Variants in ANXA10 observed in about 807,000 individuals in gnomAD.
The protein encoded by ANXA10 is annexin A10.
ANXA10 carries 49 observed loss-of-function variants against 53.5 expected under a neutral mutation model. The ratio of observed to expected loss-of-function variants is 0.92; its 90% CI spans 0.73 to 1.16. The LOEUF (loss-of-function observed/expected upper bound fraction) is 1.16, where lower values mean the gene tolerates loss of function less well. ANXA10 is among the 50% of genes most tolerant of loss of function. The pLI, the probability that ANXA10 is intolerant of heterozygous loss-of-function variation, is 0.00. For synonymous variants in ANXA10, 131 were observed against 128.9 expected (o/e 1.02, Z -0.11); for missense variants, 393 against 394.4 (o/e 1.00, Z 0.03).
chr4:168,101,153 G>T (rs1201179036), intron 1 of ANXA10, among the ~76,000 whole-genome samples: 1 of 151,986 alleles, frequency 6.6e-6, no homozygotes, highest in Non-Finnish European at 1.5e-5. Context: ...GTTCTTGCAA[G>T]ATCTGGTTGC....
At chr4:168,098,127 A>T (rs1007314661) in intron 1 of ANXA10, among the ~76,000 whole-genome samples, 1 of 152,064 alleles carries the variant, frequency 6.6e-6, no homozygotes, top group African/African-American at 2.4e-5. Flanking sequence ...ATTTAAAAAA[A>T]AAAAAGATGT....
chr4:168,160,263 T>G (rs901957364), intron 3 of ANXA10, among the ~76,000 whole-genome samples: 2 of 152,064 alleles, frequency 1.3e-5, no homozygotes, highest in African/African-American at 4.8e-5. Context: ...CCTCCATGTG[T>G]CCATGTGTTC....
rs1560792209 is a variant in ANXA10 at position 168,177,918 on chromosome 4, CG to C, written c.568del (p.Glu190SerfsTer8). On this transcript the variant is annotated frameshift_variant, in exon 8 of 12. Coordinates refer to ENST00000359299, the MANE Select transcript of ANXA10 (RefSeq NM_007193.5). LOFTEE classifies it high-confidence loss of function. ...CTATGGGAAGCCTGTCAGCAGAAGACGGGGGAGCACAAAACCATGCTGCAAA... is the reference window on the plus strand; with the variant it reads ...CTATGGGAAGCCTGTCAGCAGAAGACGGGGAGCACAAAACCATGCTGCAAA... ...MVLWEACQQKTGEHKTMLQMI... is the reference protein window; with the variant it reads ...MVLWEACQQKXGEHKTMLQMI... 2 of 1,613,996 alleles carry C rather than the reference CG, an allele frequency of 1.2e-6. No individual in the cohort carries two copies. Among genetic ancestry groups the C allele is most frequent in the Admixed American group, 3.3e-5 (2 of 60,006 alleles).
rs138480187 is a variant in ANXA10 at position 168,096,379 on chromosome 4, A to G, written c.18+3661A>G. On this transcript the variant is annotated intron_variant, in intron 1 of 11. Transcript: ENST00000359299. ...ACTTTACACACTTTGATTCAACAAA[A>G]GTTTTGAATCATGCTGTTATGGCTT... Among the ~76,000 whole-genome samples, 493 of 152,306 alleles carry G rather than the reference A, an allele frequency of 3.2e-3. 4 individuals carry two copies. Among genetic ancestry groups the G allele is most frequent in the South Asian group, 0.012 (56 of 4,828 alleles).
intron 9 of ANXA10, among the ~76,000 whole-genome samples, chr4:168,181,174 G>A (rs535949286): frequency 2.6e-5 from 4 of 152,044 alleles, no homozygotes; most frequent in Non-Finnish European, 5.9e-5. Context: ...GGCGGATCAT[G>A]AGGTCAGGAG....
intron 6 of ANXA10, among the ~76,000 whole-genome samples, chr4:168,170,726 G>A (rs1456317438): frequency 3.9e-5 from 6 of 151,908 alleles, no homozygotes; most frequent in Admixed American, 2.6e-4. Context: ...AGAAGCCAAG[G>A]AAAATTAATA....
chr4:168,100,616 A>T lies in ANXA10; in HGVS notation c.18+7898A>T, dbSNP rs1051858704. ...TTATTATTCTCATGTTTGAACCTCT[A>T]TCTTAATTCGCAGTTGTAATTCTTG... is the stretch of plus-strand genomic sequence containing the variant. On this transcript the variant is annotated intron_variant, in intron 1 of 11. Coordinates refer to ENST00000359299, the MANE Select transcript of ANXA10 (RefSeq NM_007193.5). Among the ~76,000 whole-genome samples the T allele has an allele frequency of 2.0e-5, 3 of 152,080 alleles. No individual in the cohort carries two copies. The East Asian group carries it at 5.8e-4, about 29-fold the overall frequency.
rs1251252686 is a variant in ANXA10 at position 168,128,181 on chromosome 4, T to C, written c.100+16T>C. 1 of 1,596,680 alleles carries C rather than the reference T, an allele frequency of 6.3e-7. No individual in the cohort carries two copies. The highest frequency in any genetic ancestry group is 2.2e-5 in the East Asian group (1 of 44,696). Reference sequence around the variant, plus strand: ...CAAGGATTTGGTAAGTCTGATTATTTCTACCATCTTTTATTGTGATTATTT... The same window carrying C: ...CAAGGATTTGGTAAGTCTGATTATTCCTACCATCTTTTATTGTGATTATTT... On this transcript the variant is annotated intron_variant, in intron 2 of 11. Transcript: ENST00000359299.
chr4:168,155,780 T>TATATTATATA (rs1731622539), intron 3 of ANXA10, among the ~76,000 whole-genome samples: 10 of 9,478 alleles, frequency 1.1e-3, no homozygotes, highest in Non-Finnish European at 1.6e-3. Flanking sequence ...TATCATATAT[T>TATATTATATA]ATATATTATA....
intron 3 of ANXA10, among the ~76,000 whole-genome samples, chr4:168,139,861 A>G (rs1413185818): frequency 6.6e-6 from 1 of 152,188 alleles, no homozygotes; most frequent in Non-Finnish European, 1.5e-5. Context: ...GTTTTGATGA[A>G]CTTACATTGC....
chr4:168,120,600 T>G (rs1028812305), intron 1 of ANXA10, among the ~76,000 whole-genome samples: 1 of 152,088 alleles, frequency 6.6e-6, no homozygotes, highest in African/African-American at 2.4e-5. Flanking sequence ...CATCGCAATG[T>G]TAATAAAATA....
In ANXA10 at chr4:168,184,601, G is replaced by T. The variant is rs1304673584; in HGVS notation, c.826G>T (p.Ala276Ser). The change falls in exon 11 of 12, where the codon GCC becomes TCC. Residue 276 changes from alanine to serine, a missense_variant. Transcript: ENST00000359299. ...TAAAACTGTAATCAGGATTCTCATT[G>T]CCAGAAGTGAAATAGACCTGCTGAC... ...HNKTVIRILIARSEIDLLTIR... is the reference protein window; with the variant it reads ...HNKTVIRILISRSEIDLLTIR... The T allele has an allele frequency of 1.1e-5, 18 of 1,613,830 alleles. No homozygotes were observed. The highest frequency in any genetic ancestry group is 1.5e-5 in the Non-Finnish European group (18 of 1,179,896).
intron 1 of ANXA10, among the ~76,000 whole-genome samples, chr4:168,101,640 A>G (rs1290727745): frequency 6.6e-6 from 1 of 152,016 alleles, no homozygotes; most frequent in African/African-American, 2.4e-5. Context: ...GAAGACCGAT[A>G]TTTAAAACCA....
chr4:168,112,539 T>A (rs1039827412), intron 1 of ANXA10, among the ~76,000 whole-genome samples: 1 of 151,882 alleles, frequency 6.6e-6, no homozygotes, highest in Non-Finnish European at 1.5e-5. Flanking sequence ...TATGTCAGAG[T>A]TTTTTCATAA....
intron 6 of ANXA10, among the ~76,000 whole-genome samples, chr4:168,169,979 A>C (rs1731953105): frequency 6.6e-6 from 1 of 152,216 alleles, no homozygotes; most frequent in African/African-American, 2.4e-5. Context: ...AAAATAAATC[A>C]CAAGTGAAAA....
chr4:168,127,740 T>C (rs550888056), intron 1 of ANXA10: 9 of 505,848 alleles, frequency 1.8e-5, no homozygotes, highest in South Asian at 1.4e-4. Context: ...TAACAGGCCT[T>C]GTGTGTATGT....
Position 168,155,720 on chromosome 4 carries a change from T to TATA in ANXA10, c.196-6807_196-6806insTAA, listed in dbSNP as rs1560783573. Among the ~76,000 whole-genome samples, 275 of 63,898 alleles carry TATA rather than the reference T, an allele frequency of 4.3e-3. 73 individuals carry two copies. Among genetic ancestry groups the TATA allele is most frequent in the Middle Eastern group, 0.019 (1 of 52 alleles). The allele number at this position is 63,898 out of a possible 152,430, so 41.9% of individuals were successfully genotyped here. A position where few individuals can be genotyped will look rare whatever the true frequency, so the allele number is the denominator to read the frequency against. On this transcript the variant is annotated intron_variant, in intron 3 of 11. Coordinates refer to ENST00000359299, the MANE Select transcript of ANXA10 (RefSeq NM_007193.5). ...TATATTATAAATATATAATATTATA[T>TATA]AATATAATATATGATATATCATATA...
In ANXA10 at chr4:168,146,312, G is replaced by A. The variant is rs558363043; in HGVS notation, c.195+6732G>A. ...TTTTCATGGGCCACAGTGATGTGGC[G>A]GAAGTCAGCTGATTGACCTGAAACA... On this transcript the variant is annotated intron_variant, in intron 3 of 11. Coordinates refer to ENST00000359299, the MANE Select transcript of ANXA10 (RefSeq NM_007193.5). Among the ~76,000 whole-genome samples the A allele has an allele frequency of 8.5e-5, 13 of 152,260 alleles. 1 individual carries two copies. The South Asian group carries it at 1.7e-3, about 19-fold the overall frequency.
intron 1 of ANXA10, among the ~76,000 whole-genome samples, chr4:168,097,340 T>C (rs1158041384): frequency 2.0e-5 from 3 of 152,118 alleles, no homozygotes; most frequent in Non-Finnish European, 4.4e-5. Context: ...GCTAGACATA[T>C]GGGTGTTATT....
Sources: gnomAD v4.1 joint callset for allele counts (sites outside exome capture counted in the v4.1 genomes callset) on GRCh38, gnomAD v4.1.1 for gene constraint, MANE v1.5 for transcripts, NCBI Gene and HGNC (gene_info 2026-07-23, HGNC 2026-07-21) for gene names.